Variants in POMT2 observed in about 807,000 individuals in gnomAD.
POMT2 encodes the protein protein O-mannosyl-transferase 2.
POMT2 carries 75 observed loss-of-function variants against 100.0 expected under a neutral mutation model. That is an observed-to-expected ratio of 0.75 (90% CI 0.62 to 0.91). The LOEUF (loss-of-function observed/expected upper bound fraction) is 0.91, where lower values mean the gene tolerates loss of function less well. Among genes scored for constraint, POMT2 ranks in the 40% least tolerant of loss-of-function variants. The probability of loss-of-function intolerance (pLI) is 0.00; values close to 1 mark genes in which losing one functional copy is unlikely to be tolerated. For missense variants in POMT2, 940 were observed against 955.1 expected, an observed-to-expected ratio of 0.98 and a Z score of 0.21; for synonymous variants, 378 against 374.1, an observed-to-expected ratio of 1.01 and a Z score of -0.12.
intron 1 of POMT2, among the ~76,000 whole-genome samples, chr14:77,316,510 G>A (rs1891631049): frequency 6.8e-6 from 1 of 146,118 alleles, no homozygotes; most frequent in Non-Finnish European, 1.5e-5. Flanking sequence ...AGGATGCAGT[G>A]AGCTATGATT....
At chr14:77,288,151 G>C (rs1233808270) in intron 11 of POMT2, among the ~76,000 whole-genome samples, 2 of 152,230 alleles carry the variant, frequency 1.3e-5, no homozygotes, top group Non-Finnish European at 2.9e-5. Flanking sequence ...TGGGATCAAA[G>C]CAAAAGTGGC....
chr14:77,316,219 C>G (rs1355648570), intron 1 of POMT2, among the ~76,000 whole-genome samples: 1 of 152,138 alleles, frequency 6.6e-6, no homozygotes, highest in Admixed American at 6.5e-5. Context: ...AGTATTCCCA[C>G]TTTGGGGTGG....
At chr14:77,278,301 G>C in intron 20 of POMT2, 93 bp downstream of exon 20, 1 of 1,093,060 alleles carries the variant, frequency 9.1e-7, no homozygotes, top group Non-Finnish European at 1.4e-6. Flanking sequence ...CACTGGTGGT[G>C]TTAAAAGCAC....
intron 9 of POMT2, among the ~76,000 whole-genome samples, chr14:77,291,730 GT>G (rs1347581495): frequency 6.6e-6 from 1 of 152,174 alleles, no homozygotes; most frequent in Non-Finnish European, 1.5e-5. Context: ...GAGGATTTAA[GT>G]GCATTTTCAA....
At chr14:77,277,954 C>T (rs1890034621) in intron 20 of POMT2, among the ~76,000 whole-genome samples, 1 of 149,142 alleles carries the variant, frequency 6.7e-6, no homozygotes, top group Admixed American at 6.7e-5. Flanking sequence ...GCCACAGTGA[C>T]TAAAGAGGGG....
chr14:77,293,875 G>A (rs1176240215), intron 9 of POMT2, among the ~76,000 whole-genome samples: 1 of 152,134 alleles, frequency 6.6e-6, no homozygotes, highest in Non-Finnish European at 1.5e-5. Context: ...CTGGTCACCA[G>A]GTCTGTAACT....
Position 77,282,168 on chromosome 14 carries a change from C to T in POMT2, c.1653+1629G>A, listed in dbSNP as rs547113428. ...TACAGTTTGGTCCCAAACCCAAGGA[C>T]TCCAGCCAGAACTGTACCAAGCCAA... On this transcript the variant is annotated intron_variant, in intron 15 of 20. Coordinates refer to ENST00000261534, the MANE Select transcript of POMT2 (RefSeq NM_013382.7). Among the ~76,000 whole-genome samples the T allele has an allele frequency of 2.0e-5, 3 of 152,322 alleles. 1 individual carries two copies. In the East Asian group the frequency reaches 5.8e-4, roughly 29 times the overall value.
Position 77,309,787 on chromosome 14 carries a change from G to A in POMT2, c.333+2162C>T, listed in dbSNP as rs568263331. Reference sequence around the variant, plus strand: ...AACCTCTACCTCCCAGGTTCAAGCTGTTCTCCTGTCTCAGCCTCCCAAATA... The same window carrying A: ...AACCTCTACCTCCCAGGTTCAAGCTATTCTCCTGTCTCAGCCTCCCAAATA... On this transcript the variant is annotated intron_variant, in intron 2 of 20. Coordinates refer to ENST00000261534, the MANE Select transcript of POMT2 (RefSeq NM_013382.7). 3.3e-3 allele frequency among the ~76,000 whole-genome samples: 495 copies of A among 152,232 alleles called. 3 individuals are homozygous for A. Among genetic ancestry groups the A allele is most frequent in the African/African-American group, 0.011 (476 of 41,534 alleles).
intron 1 of POMT2, among the ~76,000 whole-genome samples, chr14:77,315,466 T>C (rs1891590805): frequency 6.6e-6 from 1 of 152,212 alleles, no homozygotes; most frequent in Non-Finnish European, 1.5e-5. Context: ...CTGGTAATGT[T>C]TGAGCCACGC....
chr14:77,320,474 C>G lies in POMT2; in HGVS notation c.208G>C (p.Ala70Pro). The change falls in exon 1 of 21, where the codon GCC (alanine) becomes CCC (proline). Residue 70 changes from alanine (A) to proline (P), a missense_variant. Ala to Pro is a conservative substitution (Grantham distance 27). Coordinates refer to ENST00000261534, the MANE Select transcript of POMT2 (RefSeq NM_013382.7). ...LLALVTLLSF[A>P]TRFHRLDEPP... ...TCGTCCAAGCGGTGGAAGCGGGTGG[C>G]GAAGGACAGCAGCGTCACCAAGGCC... is the stretch of plus-strand genomic sequence containing the variant. 6.5e-7 allele frequency: 1 copy of G among 1,545,546 alleles called. No individual in the cohort carries two copies. The highest frequency in any genetic ancestry group is 8.7e-7 in the Non-Finnish European group (1 of 1,147,384).
chr14:77,287,289 G>A (rs1313265656), intron 11 of POMT2: 1 of 158,030 alleles, frequency 6.3e-6, no homozygotes, highest in Non-Finnish European at 1.4e-5. Context: ...GGATGAGAGG[G>A]GTTTAATTTA....
At chr14:77,288,397 G>A (rs1018295748) in intron 11 of POMT2, among the ~76,000 whole-genome samples, 6 of 152,218 alleles carry the variant, frequency 3.9e-5, no homozygotes, top group Non-Finnish European at 8.8e-5. Context: ...GGAGCTGGGT[G>A]TGATGGCTCA....
At chr14:77,291,403 G>A (rs1890637985) in intron 9 of POMT2, 23 bp from the exon 10 acceptor site, 1 of 1,241,736 alleles carries the variant, frequency 8.1e-7, no homozygotes, top group South Asian at 1.2e-5. Context: ...TGGGGGCGGA[G>A]GGAAGAGGAA....
rs1452608532 is a variant in POMT2 at position 77,280,475 on chromosome 14, T to C, written c.1654-12A>G. 5 of 1,614,182 alleles carry C rather than the reference T, an allele frequency of 3.1e-6. No individual in the cohort carries two copies. The highest frequency in any genetic ancestry group is 1.7e-4 in the Middle Eastern group (1 of 6,060). ...AGGCCACTGTTCCCCTGCATGAAGG[T>C]AGCAAAGAAAGCTAGTCAAGACAGA... is the stretch of plus-strand genomic sequence containing the variant. On this transcript the variant is annotated splice_polypyrimidine_tract_variant and intron_variant, in intron 15 of 20. Transcript: ENST00000261534.
intron 13 of POMT2, 113 bp downstream of exon 13, chr14:77,285,368 G>A: frequency 7.0e-7 from 1 of 1,420,656 alleles, no homozygotes; most frequent in African/African-American, 1.4e-5. Flanking sequence ...CTGCCACTAA[G>A]AACAAGCAGA....
intron 6 of POMT2, chr14:77,300,094 G>C: frequency 4.8e-6 from 1 of 207,928 alleles, no homozygotes; most frequent in South Asian, 8.7e-5. Context: ...TGACCACAGA[G>C]GGTGGGGACC....
rs145147269 is a variant in POMT2 at position 77,307,596 on chromosome 14, A to G, written c.334-1155T>C. 2.9e-4 allele frequency among the ~76,000 whole-genome samples: 44 copies of G among 152,308 alleles called. No individual in the cohort carries two copies. In the East Asian group the frequency reaches 8.3e-3, roughly 29 times the overall value. On this transcript the variant is annotated intron_variant, in intron 2 of 20. Coordinates refer to ENST00000261534, the MANE Select transcript of POMT2 (RefSeq NM_013382.7). ...CAAGCTCGCCTGGTATTGGTCATACATTTCCAGACTGCTTGGCTGGTCTAG... is the reference window on the plus strand; with the variant it reads ...CAAGCTCGCCTGGTATTGGTCATACGTTTCCAGACTGCTTGGCTGGTCTAG...
chr14:77,302,787 A>G, intron 5 of POMT2, 48 bp downstream of exon 5: 1 of 1,510,456 alleles, frequency 6.6e-7, no homozygotes, highest in Non-Finnish European at 9.1e-7. Flanking sequence ...GAAATTTTGG[A>G]GTTGCCACAG....
intron 9 of POMT2, chr14:77,291,606 G>T (rs1171384988): frequency 1.3e-5 from 8 of 631,848 alleles, no homozygotes; most frequent in African/African-American, 3.7e-5. Flanking sequence ...TGTCCCACAA[G>T]AGCCTTTTTG....
Sources: gnomAD v4.1 joint callset for allele counts (sites outside exome capture counted in the v4.1 genomes callset) on GRCh38, gnomAD v4.1.1 for gene constraint, MANE v1.5 for transcripts, NCBI Gene and HGNC (gene_info 2026-07-23, HGNC 2026-07-21) for gene names.